The following IGF1R variants were observed in gnomAD, a reference collection of about 807,000 sequenced individuals.
IGF1R encodes the protein insulin-like growth factor 1 receptor.
Under a neutral mutation model 144.6 loss-of-function variants are expected in IGF1R, and 44 were observed. The ratio of observed to expected loss-of-function variants is 0.30; its 90% CI spans 0.24 to 0.39. IGF1R has a LOEUF of 0.39. IGF1R is among the 10% of genes least tolerant of loss of function. The probability of loss-of-function intolerance (pLI) is 1.00; values close to 1 mark genes in which losing one functional copy is unlikely to be tolerated. For synonymous variants in IGF1R, 795 were observed against 722.8 expected, an observed-to-expected ratio of 1.10 and a Z score of -1.60; for missense variants, 1,355 against 1,833.7, an observed-to-expected ratio of 0.74 and a Z score of 4.77.
At chr15:98,936,090 C>G (rs979320041) in intron 17 of IGF1R, among the ~76,000 whole-genome samples, 1 of 152,214 alleles carries the variant, frequency 6.6e-6, no homozygotes, top group African/African-American at 2.4e-5. Context: ...CACACACAGT[C>G]CCCTTCCCCG....
In IGF1R at chr15:98,964,201, G is replaced by C. The variant is rs955492041; in HGVS notation, c.*6759G>C. 1.7e-5 allele frequency: 4 copies of C among 230,272 alleles called. No homozygotes were observed. Among genetic ancestry groups the C allele is most frequent in the East Asian group, 6.2e-5 (1 of 16,234 alleles). The allele number at this position is 230,272 out of a possible 1,614,324, so 14.3% of individuals were successfully genotyped here. On this transcript the variant is annotated 3_prime_UTR_variant, in exon 21 of 21. Coordinates refer to ENST00000650285, the MANE Select transcript of IGF1R (RefSeq NM_000875.5). The stretch of plus-strand genomic sequence containing the variant: ...AATAATGCATTTTCTGAGTTTTCTT[G>C]TTAAAAAAAAATTTTTTTAAGTAAG...
intron 2 of IGF1R, among the ~76,000 whole-genome samples, chr15:98,859,714 A>C (rs1359305153): frequency 2.0e-5 from 3 of 152,254 alleles, no homozygotes; most frequent in Admixed American, 2.0e-4. Context: ...ACATTCTTAA[A>C]TGCATGATTA....
chr15:98,920,265 GT>G (rs947905062), intron 10 of IGF1R, among the ~76,000 whole-genome samples: 6 of 152,188 alleles, frequency 3.9e-5, no homozygotes, highest in Admixed American at 2.6e-4. Flanking sequence ...TGCTTCCCCT[GT>G]TCCTGCCTTC....
chr15:98,662,786 C>T (rs1157838225), intron 1 of IGF1R, among the ~76,000 whole-genome samples: 1 of 152,108 alleles, frequency 6.6e-6, no homozygotes, highest in African/African-American at 2.4e-5. Context: ...CTCTCAAGAT[C>T]CAAGGAGGCA....
chr15:98,784,932 G>T (rs2055955001), intron 2 of IGF1R, among the ~76,000 whole-genome samples: 1 of 152,114 alleles, frequency 6.6e-6, no homozygotes, highest in African/African-American at 2.4e-5. Context: ...ATCCCCCTTG[G>T]ATACTGAGGG....
intron 2 of IGF1R, among the ~76,000 whole-genome samples, chr15:98,738,891 A>T (rs903499321): frequency 1.3e-5 from 2 of 152,178 alleles, no homozygotes; most frequent in African/African-American, 4.8e-5. Flanking sequence ...GCTTTTGCAC[A>T]TGTTTTCTCA....
rs1291090331 is a variant in IGF1R at position 98,963,875 on chromosome 15, G to GT, written c.*6435dup. 4.3e-6 allele frequency: 1 copy of GT among 233,090 alleles called. No homozygotes were observed. The allele number at this position is 233,090 out of a possible 1,614,324, so 14.4% of individuals were successfully genotyped here. On this transcript the variant is annotated 3_prime_UTR_variant, in exon 21 of 21. Transcript: ENST00000650285. The stretch of plus-strand genomic sequence containing the variant: ...CCACTTCCTCTAACTCCAGTGGATT[G>GT]TTGGCCATGTCTCCCCAACTCCACA...
rs1458916182 is a variant in IGF1R at position 98,704,824 on chromosome 15, T to G, written c.95-2738T>G. Among the ~76,000 whole-genome samples the G allele has an allele frequency of 6.6e-6, 1 of 151,934 alleles. No homozygotes were observed. Among genetic ancestry groups the G allele is most frequent in the Non-Finnish European group, 1.5e-5 (1 of 67,982 alleles). On this transcript the variant is annotated intron_variant, in intron 1 of 20. Transcript: ENST00000650285. This position sits in a 1 kb window ranked among gnomAD's most constrained non-coding sequence, Gnocchi z 4.9. ...AGGGAGGAAAGACGTGGGGCAGCAT[T>G]GTGGGAAGAGCAACCAAGATTCTCA...
In IGF1R at chr15:98,652,829, T is replaced by C. The variant is rs544351956; in HGVS notation, c.94+3154T>C. On this transcript the variant is annotated intron_variant, in intron 1 of 20. Coordinates refer to ENST00000650285, the MANE Select transcript of IGF1R (RefSeq NM_000875.5). ...GGGGTGATGAAAATTGTTCTAAAAT[T>C]AGTTTGTGGCGATGGCTGCATAGCT... is the stretch of plus-strand genomic sequence containing the variant. Among the ~76,000 whole-genome samples, 41 of 152,220 alleles carry C rather than the reference T, an allele frequency of 2.7e-4. 1 individual carries two copies. In the Middle Eastern group the frequency reaches 0.01, roughly 38 times the overall value.
Position 98,649,201 on chromosome 15 carries a change from T to A in IGF1R, c.-381T>A, listed in dbSNP as rs2052275540. On this transcript the variant is annotated 5_prime_UTR_variant, in exon 1 of 21. Transcript: ENST00000650285. ...CCTCCCGCGCGGCCAGGGCCGGGCT[T>A]GTTTTTCCTCGCCTAGGCAGATTTG... The A allele has an allele frequency of 4.6e-6, 1 of 218,922 alleles. No homozygotes were observed. Among genetic ancestry groups the A allele is most frequent in the Non-Finnish European group, 9.2e-6 (1 of 109,044 alleles). The allele number at this position is 218,922 out of a possible 1,614,324, so 13.6% of individuals were successfully genotyped here.
At chr15:98,838,131 T>TA (rs2011119235) in intron 2 of IGF1R, among the ~76,000 whole-genome samples, 1 of 152,232 alleles carries the variant, frequency 6.6e-6, no homozygotes, top group Non-Finnish European at 1.5e-5. Flanking sequence ...AGAAAAAACT[T>TA]AGATTTTCTA....
intron 2 of IGF1R, among the ~76,000 whole-genome samples, chr15:98,835,320 G>C (rs1327391051): frequency 1.3e-5 from 2 of 152,180 alleles, no homozygotes; most frequent in African/African-American, 4.8e-5. Context: ...GATGGAAAGA[G>C]TGCAGATAGG....
chr15:98,828,537 A>G (rs1293116088), intron 2 of IGF1R, among the ~76,000 whole-genome samples: 2 of 152,118 alleles, frequency 1.3e-5, no homozygotes, highest in Non-Finnish European at 2.9e-5. Flanking sequence ...GGAGAGAGAA[A>G]AGGCATAGTC....
In IGF1R at chr15:98,960,337, A is replaced by G. The variant is rs1387275721; in HGVS notation, c.*2895A>G. The stretch of plus-strand genomic sequence containing the variant: ...ATCTTGGTTTCCACCAAGGTGTTAG[A>G]TTTCTCCTCCTCCTAGCCAGGTGGC... On this transcript the variant is annotated 3_prime_UTR_variant, in exon 21 of 21. Transcript: ENST00000650285. The G allele has an allele frequency of 4.3e-6, 1 of 232,922 alleles. No homozygotes were observed. Among genetic ancestry groups the G allele is most frequent in the African/African-American group, 2.2e-5 (1 of 45,260 alleles). 14.4% of individuals were successfully genotyped at this position (232,922 alleles called of 1,614,324 possible).
chr15:98,883,603 G>A (rs1023672665), intron 2 of IGF1R, among the ~76,000 whole-genome samples: 42 of 152,196 alleles, frequency 2.8e-4, no homozygotes, highest in African/African-American at 8.2e-4. Context: ...GGACAGAAGC[G>A]AGGATTGATT....
At chr15:98,883,186 AC>A (rs1325439828) in intron 2 of IGF1R, among the ~76,000 whole-genome samples, 3 of 152,184 alleles carry the variant, frequency 2.0e-5, no homozygotes, top group Non-Finnish European at 4.4e-5. Context: ...AGCGCTTGCC[AC>A]TTGAACTTTC....
At chr15:98,837,467 C>A (rs1427072373) in intron 2 of IGF1R, among the ~76,000 whole-genome samples, 1 of 152,164 alleles carries the variant, frequency 6.6e-6, no homozygotes, top group Non-Finnish European at 1.5e-5. Flanking sequence ...TCTTGATCTC[C>A]TGACCGCCCA....
At chr15:98,787,809 G>T (rs1169343256) in intron 2 of IGF1R, among the ~76,000 whole-genome samples, 3 of 152,198 alleles carry the variant, frequency 2.0e-5, no homozygotes, top group Non-Finnish European at 2.9e-5. Flanking sequence ...AGCTGGAGGT[G>T]TCTGGTAGGG....
At chr15:98,710,108 G>A (rs1389489513) in intron 2 of IGF1R, among the ~76,000 whole-genome samples, 1 of 152,172 alleles carries the variant, frequency 6.6e-6, no homozygotes, top group African/African-American at 2.4e-5. Context: ...GAAAAGCACC[G>A]TGAAAATGTT....
Sources: gnomAD v4.1 joint callset for allele counts (sites outside exome capture counted in the v4.1 genomes callset) on GRCh38, gnomAD v4.1.1 for gene constraint, Gnocchi (gnomAD v3.1) non-coding constraint, MANE v1.5 for transcripts, NCBI Gene and HGNC (gene_info 2026-07-23, HGNC 2026-07-21) for gene names.